Variants in MFNG observed in about 807,000 individuals in gnomAD.
MFNG encodes MFNG O-fucosylpeptide 3-beta-N-acetylglucosaminyltransferase, also known as beta-1,3-N-acetylglucosaminyltransferase manic fringe.
A neutral mutation model predicts 34.2 loss-of-function variants in MFNG; 24 were observed. That is an observed-to-expected ratio of 0.70 (90% CI 0.51 to 0.99). MFNG has a LOEUF of 0.99. Among genes scored for constraint, MFNG ranks in the 50% least tolerant of loss-of-function variants. The pLI, the probability that MFNG is intolerant of heterozygous loss-of-function variation, is 0.00. For missense variants in MFNG, 383 were observed against 424.0 expected (o/e 0.90, Z 0.85); for synonymous variants, 158 against 179.2 (o/e 0.88, Z 0.94).
rs529673952 is a variant in MFNG, at chr22:37,480,278, T to C, written c.326A>G (p.Asn109Ser). 6.2e-7 allele frequency: 1 copy of C among 1,613,774 alleles called. No individual in the cohort carries two copies. Among genetic ancestry groups the C allele is most frequent in the East Asian group, 2.2e-5 (1 of 44,854 alleles). The change falls in exon 3 of 8, where the codon AAC becomes AGC. Residue 109 changes from asparagine (N) to serine (S), a missense_variant. Transcript: ENST00000356998. ...TGGGTGGCTGTGTTCCGCGGAGCAG[T>C]TGGTGACCACAAGGTGGGACCCTGG... ...ERLGSHLVVT[N>S]CSAEHSHPAL... is the part of the protein sequence containing the mutation.
chr22:37,474,607 C>T lies in MFNG; in HGVS notation c.718G>A (p.Glu240Lys), dbSNP rs774260435. Residue 240 changes from glutamate (E) to lysine (K), a missense_variant, in exon 6 of 8, where the codon GAG (glutamate) becomes AAG (lysine). Transcript: ENST00000356998. Reference protein sequence around the residue: ...PDDCTMGYIIECKLGGRLQPS... With the variant: ...PDDCTMGYIIKCKLGGRLQPS... ...TGCAGGCGGCCGCCCAGCTTGCACT[C>T]AATGATATAGCCCATGGTGCAGTCA... 2 of 1,614,024 alleles carry T rather than the reference C, an allele frequency of 1.2e-6. No individual in the cohort carries two copies. The highest frequency in any genetic ancestry group is 1.1e-5 in the South Asian group (1 of 91,058).
At chr22:37,480,648 C>A in intron 2 of MFNG, 73 bp downstream of exon 2, 1 of 1,449,648 alleles carries the variant, frequency 6.9e-7, no homozygotes, top group Non-Finnish European at 9.6e-7. Flanking sequence ...ACCCTCAGGC[C>A]AGGGCACAGC....
At position 37,476,982 on chromosome 22, in the gene MFNG, CTG is replaced by C. The variant is rs1922072434; in HGVS notation, c.562-3_562-2del. 1 of 1,613,936 alleles carries C rather than the reference CTG, an allele frequency of 6.2e-7. No homozygotes were observed. ...TGGCAAACCAGAACTGTACCAGCCT[CTG>C]AGAGAGAGGAAGGCCAAGGGGCAGA... On this transcript the variant is annotated splice_acceptor_variant and splice_polypyrimidine_tract_variant and intron_variant, in intron 4 of 7. Transcript: ENST00000356998. LOFTEE classifies it high-confidence loss of function.
At chr22:37,470,300 C>A (rs1921750553) in intron 7 of MFNG, among the ~76,000 whole-genome samples, 1 of 152,158 alleles carries the variant, frequency 6.6e-6, no homozygotes, top group Non-Finnish European at 1.5e-5. Flanking sequence ...GCCAGACGTC[C>A]CCTAAGAGAC....
Position 37,469,741 on chromosome 22 carries a change from ACCACCTGGT to A in MFNG, c.*213_*221del, listed in dbSNP as rs1921719852. On this transcript the variant is annotated 3_prime_UTR_variant, in exon 8 of 8. Transcript: ENST00000356998. ...TCTAGCCCCTGGAGCCTCTCTGGCCACCACCTGGTCCACCTGGTCCCCTGGGCTGTCTAA... is the reference window on the plus strand; with the variant it reads ...TCTAGCCCCTGGAGCCTCTCTGGCCACCACCTGGTCCCCTGGGCTGTCTAA... 3 of 669,308 alleles carry A rather than the reference ACCACCTGGT, an allele frequency of 4.5e-6. No homozygotes were observed. The highest frequency in any genetic ancestry group is 8.4e-6 in the Non-Finnish European group (3 of 356,502). The allele number at this position is 669,308 out of a possible 1,614,324, so 41.5% of individuals were successfully genotyped here. A position where few individuals can be genotyped will look rare whatever the true frequency, so the allele number is the denominator to read the frequency against.
rs777408634 is a variant in MFNG at position 37,480,254 on chromosome 22, G to A, written c.350C>T (p.Pro117Leu). 13 of 1,613,772 alleles carry A rather than the reference G, an allele frequency of 8.1e-6. No homozygotes were observed. Among genetic ancestry groups the A allele is most frequent in the Non-Finnish European group, 1.1e-5 (13 of 1,179,660 alleles). The change falls in exon 3 of 8, where the codon CCA becomes CTA. Residue 117 changes from proline (P) to leucine (L), a missense_variant. Physicochemically the swap from Pro to Leu is moderately conservative, Grantham distance 98. Transcript: ENST00000356998. ...VTNCSAEHSHPALSCKMAAEF... is the reference protein window; with the variant it reads ...VTNCSAEHSHLALSCKMAAEF... ...AGCAGCCATCTTGCAGGACAGAGCT[G>A]GGTGGCTGTGTTCCGCGGAGCAGTT...
Position 37,480,241 on chromosome 22 carries a change from G to C in MFNG, c.363C>G (p.Cys121Trp). The change falls in exon 3 of 8, where the codon TGC (cysteine) becomes TGG (tryptophan). Residue 121 changes from cysteine (C) to tryptophan (W), a missense_variant. Coordinates refer to ENST00000356998, the MANE Select transcript of MFNG (RefSeq NM_002405.4). ...SAEHSHPALS[C>W]KMAAEFDTFL... ...AGGTGTCGAACTCAGCAGCCATCTT[G>C]CAGGACAGAGCTGGGTGGCTGTGTT... 6.2e-7 allele frequency: 1 copy of C among 1,613,166 alleles called. No individual in the cohort carries two copies. The highest frequency in any genetic ancestry group is 8.5e-7 in the Non-Finnish European group (1 of 1,179,144).
intron 5 of MFNG, among the ~76,000 whole-genome samples, chr22:37,476,126 GCA>G (rs1922025482): frequency 6.6e-6 from 1 of 152,072 alleles, no homozygotes; most frequent in Non-Finnish European, 1.5e-5. Flanking sequence ...TCTTGATGGA[GCA>G]CAGAGCTGGC....
chr22:37,475,345 T>C (rs1921990564), intron 5 of MFNG, among the ~76,000 whole-genome samples: 1 of 152,190 alleles, frequency 6.6e-6, no homozygotes, highest in South Asian at 2.1e-4. Flanking sequence ...TGTCTCAGCC[T>C]CCTGAATAGC....
chr22:37,483,846 A>C lies in MFNG; in HGVS notation c.255+2077T>G, dbSNP rs2145739486. Among the ~76,000 whole-genome samples, 1 of 152,260 alleles carries C rather than the reference A, an allele frequency of 6.6e-6. No individual in the cohort carries two copies. The highest frequency in any genetic ancestry group is 3.4e-3 in the Middle Eastern group (1 of 294). ...GAGCCGGGAAGGGGAGTCCAGGTCC[A>C]GAGGGGGCGGGGGCACAGGAGAGGG... On this transcript the variant is annotated intron_variant, in intron 1 of 7. Transcript: ENST00000356998. The surrounding 1 kb of genome is among the most constrained non-coding windows in gnomAD (Gnocchi z 4.5).
chr22:37,474,826 C>T (rs1254535964), intron 5 of MFNG, 149 bp from the exon 6 acceptor site: 1 of 780,662 alleles, frequency 1.3e-6, no homozygotes, highest in African/African-American at 1.8e-5. Flanking sequence ...AAGTCAGGAA[C>T]CTTGGGGAGC....
At chr22:37,481,057 A>G in intron 1 of MFNG, 1 of 470,434 alleles carries the variant, frequency 2.1e-6, no homozygotes, top group East Asian at 3.7e-5. Context: ...CCTGGGCAGC[A>G]TCTCACCCTC....
chr22:37,469,792 CT>C lies in MFNG; in HGVS notation c.*170del, dbSNP rs1921723387. ...GCTGTCTAACTCACCTCCCAGGGGC[CT>C]GGGGTGCCTTCAGTGCCAATTGCCA... On this transcript the variant is annotated 3_prime_UTR_variant, in exon 8 of 8. Coordinates refer to ENST00000356998, the MANE Select transcript of MFNG (RefSeq NM_002405.4). 1 of 710,708 alleles carries C rather than the reference CT, an allele frequency of 1.4e-6. No homozygotes were observed. Among genetic ancestry groups the C allele is most frequent in the Non-Finnish European group, 2.6e-6 (1 of 382,658 alleles). The allele number at this position is 710,708 out of a possible 1,614,324, so 44.0% of individuals were successfully genotyped here.
At position 37,485,803 on chromosome 22, in the gene MFNG, A is replaced by G; in HGVS notation, c.255+120T>C. ...GGAGAGAGGAAGAGGATCCCTGATT[A>G]GGCAGGTATTGAGCAGCTTCTCCCA... On this transcript the variant is annotated intron_variant, in intron 1 of 7. Coordinates refer to ENST00000356998, the MANE Select transcript of MFNG (RefSeq NM_002405.4). The surrounding 1 kb of genome is among the most constrained non-coding windows in gnomAD (Gnocchi z 5.3). 1 of 1,195,404 alleles carries G rather than the reference A, an allele frequency of 8.4e-7. No individual in the cohort carries two copies. Among genetic ancestry groups the G allele is most frequent in the South Asian group, 1.6e-5 (1 of 61,842 alleles). 74.0% of individuals were successfully genotyped at this position (1,195,404 alleles called of 1,614,324 possible).
Position 37,474,797 on chromosome 22 carries a change from A to G in MFNG, c.648-120T>C. 10 of 1,098,352 alleles carry G rather than the reference A, an allele frequency of 9.1e-6. No individual in the cohort carries two copies. In the South Asian group the frequency reaches 1.3e-4, roughly 14 times the overall value. 68.0% of individuals were successfully genotyped at this position (1,098,352 alleles called of 1,614,324 possible). A position where few individuals can be genotyped will look rare whatever the true frequency, so the allele number is the denominator to read the frequency against. On this transcript the variant is annotated intron_variant, in intron 5 of 7. Transcript: ENST00000356998. Reference sequence around the variant, plus strand: ...GCAGAACAGAGCACCTGCCTCCTGCATACTGTATGACCTTGAGCAAGTCAG... The same window carrying G: ...GCAGAACAGAGCACCTGCCTCCTGCGTACTGTATGACCTTGAGCAAGTCAG...
rs2071840 is a variant in MFNG at position 37,485,804 on chromosome 22, G to A, written c.255+119C>T. The A allele has an allele frequency of 0.08, 96,572 of 1,214,720 alleles. 5,037 individuals carry two copies. Among genetic ancestry groups the A allele is most frequent in the East Asian group, 0.27 (10,696 of 39,718 alleles). 75.2% of individuals were successfully genotyped at this position (1,214,720 alleles called of 1,614,324 possible). A position where few individuals can be genotyped will look rare whatever the true frequency, so the allele number is the denominator to read the frequency against. Reference sequence around the variant, plus strand: ...GAGAGAGGAAGAGGATCCCTGATTAGGCAGGTATTGAGCAGCTTCTCCCAT... The same window carrying A: ...GAGAGAGGAAGAGGATCCCTGATTAAGCAGGTATTGAGCAGCTTCTCCCAT... On this transcript the variant is annotated intron_variant, in intron 1 of 7. Transcript: ENST00000356998. This position sits in a 1 kb window ranked among gnomAD's most constrained non-coding sequence, Gnocchi z 5.3.
At chr22:37,479,202 G>C in intron 4 of MFNG, 143 bp downstream of exon 4, 1 of 817,224 alleles carries the variant, frequency 1.2e-6, no homozygotes, top group Non-Finnish European at 1.8e-6. Flanking sequence ...GTTGAAGAGG[G>C]GAAGCTACCA....
rs763845941 is a variant in MFNG, at chr22:37,486,170, C to A, written c.8G>T (p.Cys3Phe). 6.4e-7 allele frequency: 1 copy of A among 1,573,254 alleles called. No individual in the cohort carries two copies. Among genetic ancestry groups the A allele is most frequent in the Admixed American group, 1.7e-5 (1 of 57,334 alleles). MQ[C>F]RLPRGLAGAL... ...TCCAGCCAGGCCCCGCGGGAGCCGG[C>A]ACTGCATTGGTTGGCCCTGGGACCC... is the stretch of plus-strand genomic sequence containing the variant. Residue 3 changes from cysteine to phenylalanine, a missense_variant, in exon 1 of 8, where the codon TGC becomes TTC. By Grantham distance (205) the Cys-to-Phe change is radical (BLOSUM62 -2). Coordinates refer to ENST00000356998, the MANE Select transcript of MFNG (RefSeq NM_002405.4).
intron 1 of MFNG, among the ~76,000 whole-genome samples, chr22:37,484,854 G>A (rs998323603): frequency 2.0e-5 from 3 of 152,204 alleles, no homozygotes; most frequent in African/African-American, 4.8e-5. Flanking sequence ...CTCCCCAGGA[G>A]GGCCTGGCCT....
Sources: allele counts gnomAD v4.1 joint callset (sites outside exome capture counted in the v4.1 genomes callset), GRCh38; gene constraint gnomAD v4.1.1; non-coding constraint Gnocchi (gnomAD v3.1); transcripts MANE v1.5; gene names NCBI Gene and HGNC (gene_info 2026-07-23, HGNC 2026-07-21).